AQP8: variants seen among roughly 807,000 people sequenced by gnomAD.
The protein encoded by AQP8 is aquaporin 8.
Under a neutral mutation model 26.1 loss-of-function variants are expected in AQP8, and 14 were observed. That is an observed-to-expected ratio of 0.54 (90% confidence interval 0.35 to 0.84). AQP8 has a LOEUF of 0.84. Among genes scored for constraint, AQP8 ranks in the 40% least tolerant of loss-of-function variants. The pLI is 0.01. For missense variants in AQP8, 301 were observed against 340.5 expected (o/e 0.88, Z 0.91); for synonymous variants, 131 against 150.7 (o/e 0.87, Z 0.96).
intron 2 of AQP8, among the ~76,000 whole-genome samples, chr16:25,218,141 G>A (rs1962512708): frequency 2.6e-5 from 4 of 152,138 alleles, no homozygotes; most frequent in Admixed American, 6.6e-5. Flanking sequence ...TGCCTCATGC[G>A]GAAGTCATGA....
At chr16:25,219,179 G>A (rs909684910) in intron 2 of AQP8, among the ~76,000 whole-genome samples, 2 of 151,504 alleles carry the variant, frequency 1.3e-5, no homozygotes, top group African/African-American at 4.9e-5. Context: ...TTATCAGGCA[G>A]AGATCATTGA....
intron 2 of AQP8, among the ~76,000 whole-genome samples, chr16:25,219,491 A>G (rs1411242369): frequency 6.6e-6 from 1 of 151,494 alleles, no homozygotes; most frequent in Non-Finnish European, 1.5e-5. Flanking sequence ...TGAATGAATG[A>G]ATGTGTCTTG....
intron 3 of AQP8, among the ~76,000 whole-genome samples, chr16:25,222,357 AAAAT>A (rs1326809477): frequency 6.6e-6 from 1 of 152,150 alleles, no homozygotes; most frequent in Admixed American, 6.6e-5. Flanking sequence ...TTATCAATAA[AAAAT>A]AAATAAATTA....
At chr16:25,218,136 C>T (rs1962512607) in intron 2 of AQP8, among the ~76,000 whole-genome samples, 1 of 152,176 alleles carries the variant, frequency 6.6e-6, no homozygotes. Flanking sequence ...CCAAGTGCCT[C>T]ATGCGGAAGT....
chr16:25,220,024 G>A (rs560284305), intron 2 of AQP8, among the ~76,000 whole-genome samples: 21 of 149,866 alleles, frequency 1.4e-4, no homozygotes, highest in African/African-American at 4.5e-4. Flanking sequence ...GACAAAGGGA[G>A]ACCCTGTCTC....
rs1962500513 is a variant in AQP8 at position 25,217,293 on chromosome 16, G to C, written c.108G>C (p.Gln36His). ...WRVSWYERFV[Q>H]PCLVELLGSA... ...TGTCCTGGTACGAACGGTTTGTGCA[G>C]CCATGTCTGGTCGAACTGCTGGGCT... The change falls in exon 2 of 6, where the codon CAG becomes CAC. Residue 36 changes from glutamine to histidine, a missense_variant. Coordinates refer to ENST00000219660, the MANE Select transcript of AQP8 (RefSeq NM_001169.3). The C allele has an allele frequency of 1.2e-6, 2 of 1,614,236 alleles. No individual in the cohort carries two copies. The highest frequency in any genetic ancestry group is 3.3e-4 in the Middle Eastern group (2 of 6,062).
rs563620702 is a variant in AQP8, at chr16:25,227,581, C to T, written c.737+379C>T. 9.9e-5 allele frequency among the ~76,000 whole-genome samples: 15 copies of T among 152,182 alleles called. No individual in the cohort carries two copies. The South Asian group carries it at 1.2e-3, about 13-fold the overall frequency. On this transcript the variant is annotated intron_variant, in intron 5 of 5. Coordinates refer to ENST00000219660, the MANE Select transcript of AQP8 (RefSeq NM_001169.3). ...TCTGGCTTATTGCAACCTCCGCCCC[C>T]GGGTTCAAGAGATTCTCCTGCCTCA...
At chr16:25,217,596 C>CTGG in intron 2 of AQP8, 151 bp downstream of exon 2, 2 of 1,027,152 alleles carry the variant, frequency 1.9e-6, no homozygotes, top group Non-Finnish European at 2.8e-6. Flanking sequence ...AGACTGGGGT[C>CTGG]AACTCCAGAC....
chr16:25,224,887 A>G (rs1180463194), intron 4 of AQP8, among the ~76,000 whole-genome samples: 1 of 152,204 alleles, frequency 6.6e-6, no homozygotes, highest in Non-Finnish European at 1.5e-5. Flanking sequence ...TAAATACAAC[A>G]TTTCTGTGAA....
chr16:25,217,596 C>A (rs763925264), intron 2 of AQP8, 151 bp downstream of exon 2: 1 of 1,027,156 alleles, frequency 9.7e-7, no homozygotes, highest in Non-Finnish European at 1.4e-6. Flanking sequence ...AGACTGGGGT[C>A]AACTCCAGAC....
chr16:25,228,314 G>T, intron 5 of AQP8, 130 bp from the exon 6 acceptor site: 1 of 753,298 alleles, frequency 1.3e-6, no homozygotes. Flanking sequence ...CTCTCTGCAA[G>T]GGGATCTGGC....
At chr16:25,219,874 C>T (rs113058967) in intron 2 of AQP8, among the ~76,000 whole-genome samples, 2,468 of 146,616 alleles carry the variant, frequency 0.017, 62 homozygotes, top group Middle Eastern at 0.025. Flanking sequence ...CCGTCTCTAC[C>T]AAAAATACAA....
rs961134108 is a variant in AQP8, at chr16:25,224,508, T to A, written c.534T>A (p.Asn178Lys). The A allele has an allele frequency of 1.9e-5, 30 of 1,613,964 alleles. No individual in the cohort carries two copies. The highest frequency in any genetic ancestry group is 2.5e-5 in the Non-Finnish European group (29 of 1,180,028). The change falls in exon 4 of 6, where the codon AAT (asparagine) becomes AAA (lysine). Residue 178 changes from asparagine to lysine, a missense_variant. By Grantham distance (94) the Asn-to-Lys change is moderately conservative. Coordinates refer to ENST00000219660, the MANE Select transcript of AQP8 (RefSeq NM_001169.3). ...TGGCTGTATGCATGGGTGCCATCAA[T>A]GAGAAGACAAAGGGCCCTCTGGCCC... ...LALAVCMGAI[N>K]EKTKGPLAPF... is the part of the protein sequence containing the mutation.
Position 25,228,606 on chromosome 16 carries a change from C to A in AQP8, c.*114C>A. ...AGGGCAGAGGCCCAGAGGAGCGACC[C>A]CCTGCTTCCACTGCTTGGGCCTGCT... On this transcript the variant is annotated 3_prime_UTR_variant, in exon 6 of 6. Transcript: ENST00000219660. The A allele has an allele frequency of 8.8e-7, 1 of 1,134,694 alleles. No individual in the cohort carries two copies. Among genetic ancestry groups the A allele is most frequent in the Non-Finnish European group, 1.3e-6 (1 of 767,054 alleles). The allele number at this position is 1,134,694 out of a possible 1,614,324, so 70.3% of individuals were successfully genotyped here.
Position 25,227,057 on chromosome 16 carries a change from G to A in AQP8, c.603-11G>A, listed in dbSNP as rs1480001538. ...GGGATCCTGGTGACCTTGGTGCCTG[G>A]GTGTTTGCAGGGGCCCTGTGTCTGG... On this transcript the variant is annotated splice_polypyrimidine_tract_variant and intron_variant, in intron 4 of 5. Coordinates refer to ENST00000219660, the MANE Select transcript of AQP8 (RefSeq NM_001169.3). 7 of 1,613,812 alleles carry A rather than the reference G, an allele frequency of 4.3e-6. No homozygotes were observed. The highest frequency in any genetic ancestry group is 5.1e-6 in the Non-Finnish European group (6 of 1,180,010).
intron 2 of AQP8, among the ~76,000 whole-genome samples, chr16:25,220,512 T>G (rs1190971355): frequency 3.3e-5 from 5 of 152,190 alleles, no homozygotes; most frequent in Non-Finnish European, 1.5e-5. Context: ...GCTGATCAAC[T>G]GCAACCTGCC....
At chr16:25,222,846 G>A (rs908003152) in intron 3 of AQP8, among the ~76,000 whole-genome samples, 2 of 152,096 alleles carry the variant, frequency 1.3e-5, no homozygotes, top group Non-Finnish European at 2.9e-5. Flanking sequence ...CCTGTCTATG[G>A]AACACGCCCG....
intron 2 of AQP8, among the ~76,000 whole-genome samples, chr16:25,218,258 T>G (rs1006762064): frequency 6.6e-6 from 1 of 152,188 alleles, no homozygotes; most frequent in African/African-American, 2.4e-5. Context: ...CAGAAATGCA[T>G]AGAAGACCTG....
At position 25,228,562 on chromosome 16, in the gene AQP8, A is replaced by G. The variant is rs1962666610; in HGVS notation, c.*70A>G. On this transcript the variant is annotated 3_prime_UTR_variant, in exon 6 of 6. Transcript: ENST00000219660. ...ACCTGTCCCAGACTGAGGACAGGGG[A>G]GTTCCTGCATTTCCTGCCAGGGCAG... 6.5e-7 allele frequency: 1 copy of G among 1,542,708 alleles called. No homozygotes were observed. Among genetic ancestry groups the G allele is most frequent in the African/African-American group, 1.4e-5 (1 of 73,532 alleles).
Sources: gnomAD v4.1 joint callset for allele counts (sites outside exome capture counted in the v4.1 genomes callset) on GRCh38, gnomAD v4.1.1 for gene constraint, MANE v1.5 for transcripts, NCBI Gene and HGNC (gene_info 2026-07-23, HGNC 2026-07-21) for gene names.